Variants in FAM111B observed in about 807,000 individuals in gnomAD.
FAM111B encodes the protein FAM111 trypsin like peptidase B, also known as serine protease FAM111B.
In FAM111B, 1 loss-of-function variant was observed where a neutral mutation model predicts 2.8. That is an observed-to-expected ratio of 0.36 (90% confidence interval 0.13 to 1.70). FAM111B has a LOEUF of 1.70. FAM111B is among the 40% of genes most tolerant of loss of function. FAM111B has a pLI of 0.35. For missense variants in FAM111B, 882 were observed against 878.9 expected (o/e 1.00, Z -0.04); for synonymous variants, 297 against 295.6 (o/e 1.00, Z -0.05).
rs1027924968 is a variant in FAM111B, at chr11:59,126,036, G to A, written c.1939G>A (p.Asp647Asn). The A allele has an allele frequency of 1.1e-5, 18 of 1,613,834 alleles. No homozygotes were observed. The Admixed American group carries it at 1.7e-4, about 15-fold the overall frequency. ...GCTTAGTTATGATACTTGTTTCTCT[G>A]ATGGGTCCTCAGGCTCCCCAGTGTT... The part of the protein sequence containing the change: ...HTLSYDTCFS[D>N]GSSGSPVFNA... Residue 647 changes from aspartate to asparagine, a missense_variant, in exon 4 of 4, where the codon GAT (aspartate) becomes AAT (asparagine). Transcript: ENST00000343597.
Position 59,124,951 on chromosome 11 carries a change from AGAAT to A in FAM111B, c.858_861del (p.Asn286LysfsTer12). The A allele has an allele frequency of 1.2e-6, 2 of 1,606,902 alleles. No homozygotes were observed. Among genetic ancestry groups the A allele is most frequent in the Non-Finnish European group, 1.7e-6 (2 of 1,178,250 alleles). Reference sequence around the variant, plus strand: ...AAAGATATCCATAAAAAAATTAAACAGAATGAAAGTGCCACTGATGAAATTAATC... The same window carrying A: ...AAAGATATCCATAAAAAAATTAAACAGAAAGTGCCACTGATGAAATTAATC... On this transcript the variant is annotated frameshift_variant, in exon 4 of 4. Coordinates refer to ENST00000343597, the MANE Select transcript of FAM111B (RefSeq NM_198947.4). LOFTEE classifies it low-confidence loss of function (END_TRUNC).
At position 59,125,584 on chromosome 11, in the gene FAM111B, T is replaced by C. The variant is rs1475498846; in HGVS notation, c.1487T>C (p.Val496Ala). The C allele has an allele frequency of 6.2e-7, 1 of 1,613,908 alleles. No individual in the cohort carries two copies. The highest frequency in any genetic ancestry group is 1.7e-5 in the Admixed American group (1 of 60,014). The part of the protein sequence containing the change: ...FTCRHVVHLM[V>A]GKNTHPSLWP... The stretch of plus-strand genomic sequence containing the variant: ...TGTCGACATGTTGTACATCTTATGG[T>C]GGGTAAAAACACACATCCAAGTTTG... The change falls in exon 4 of 4, where the codon GTG becomes GCG. Residue 496 changes from valine (V) to alanine (A), a missense_variant. Coordinates refer to ENST00000343597, the MANE Select transcript of FAM111B (RefSeq NM_198947.4).
intron 2 of FAM111B, among the ~76,000 whole-genome samples, chr11:59,109,259 T>G (rs1859716624): frequency 6.6e-6 from 1 of 152,208 alleles, no homozygotes; most frequent in Admixed American, 6.5e-5. Context: ...TACTGTGTGC[T>G]CCTGTGGCTG....
intron 3 of FAM111B, among the ~76,000 whole-genome samples, chr11:59,111,272 A>G (rs1417760051): frequency 1.3e-5 from 2 of 152,200 alleles, no homozygotes; most frequent in African/African-American, 4.8e-5. Flanking sequence ...GGGCACATAT[A>G]GATATTCTTA....
At chr11:59,120,428 AG>A in intron 3 of FAM111B, among the ~76,000 whole-genome samples, 1 of 152,334 alleles carries the variant, frequency 6.6e-6, no homozygotes, top group East Asian at 1.9e-4. Context: ...TTAGATAATG[AG>A]GGCTCTACAT....
chr11:59,116,993 A>G lies in FAM111B; in HGVS notation c.82-7186A>G, dbSNP rs142393275. On this transcript the variant is annotated intron_variant, in intron 3 of 3. Transcript: ENST00000343597. ...TTTACCAGGTCTCTGAGGCAGTGATAGAATCAGGTGAACATCTCAATGGGA... is the reference window on the plus strand; with the variant it reads ...TTTACCAGGTCTCTGAGGCAGTGATGGAATCAGGTGAACATCTCAATGGGA... Among the ~76,000 whole-genome samples, 105 of 152,352 alleles carry G rather than the reference A, an allele frequency of 6.9e-4. 1 individual carries two copies. In the South Asian group the frequency reaches 0.014, roughly 21 times the overall value.
At chr11:59,120,420 A>T (rs1859903317) in intron 3 of FAM111B, among the ~76,000 whole-genome samples, 1 of 152,230 alleles carries the variant, frequency 6.6e-6, no homozygotes, top group Non-Finnish European at 1.5e-5. Flanking sequence ...ATGGGTGATT[A>T]GATAATGAGG....
intron 3 of FAM111B, among the ~76,000 whole-genome samples, chr11:59,120,245 A>G (rs1404370385): frequency 3.3e-5 from 5 of 152,242 alleles, no homozygotes; most frequent in East Asian, 1.9e-4. Context: ...ACAGAAAAAT[A>G]TACCATTGGA....
chr11:59,112,647 G>A (rs1859777934), intron 3 of FAM111B, among the ~76,000 whole-genome samples: 1 of 152,140 alleles, frequency 6.6e-6, no homozygotes, highest in South Asian at 2.1e-4. Context: ...AGTTCCAGTT[G>A]TTTCATATTC....
At chr11:59,123,675 TCAAAGTTTGCTTACTGCA>T (rs933305752) in intron 3 of FAM111B, among the ~76,000 whole-genome samples, 8 of 152,220 alleles carry the variant, frequency 5.3e-5, no homozygotes, top group Admixed American at 5.2e-4. Context: ...ACTTGTGGTT[TCAAAGTTTGCTTACTGCA>T]CAAAGTAGTG....
chr11:59,125,068 T>C lies in FAM111B; in HGVS notation c.971T>C (p.Ile324Thr). Residue 324 changes from isoleucine (I) to threonine (T), a missense_variant, in exon 4 of 4, where the codon ATT (isoleucine) becomes ACT (threonine). Physicochemically the swap from Ile to Thr is moderately conservative, Grantham distance 89 (BLOSUM62 -1). Coordinates refer to ENST00000343597, the MANE Select transcript of FAM111B (RefSeq NM_198947.4). The stretch of plus-strand genomic sequence containing the variant: ...GATGTAGAACACAGCAGAGAGCAAA[T>C]TCTCCCACCTCAGGATCTAAGCCAT... ...TKDVEHSREQ[I>T]LPPQDLSHYI... 3 of 1,613,248 alleles carry C rather than the reference T, an allele frequency of 1.9e-6. No individual in the cohort carries two copies. Among genetic ancestry groups the C allele is most frequent in the Non-Finnish European group, 2.5e-6 (3 of 1,179,732 alleles).
chr11:59,122,058 C>T (rs1297535692), intron 3 of FAM111B, among the ~76,000 whole-genome samples: 1 of 152,166 alleles, frequency 6.6e-6, no homozygotes, highest in Non-Finnish European at 1.5e-5. Flanking sequence ...CAGAGAATTG[C>T]TTAAACCTGG....
rs182047142 is a variant in FAM111B, at chr11:59,108,287, A to G, written c.-131-381A>G. 3.3e-5 allele frequency among the ~76,000 whole-genome samples: 5 copies of G among 152,322 alleles called. No homozygotes were observed. The East Asian group carries it at 9.6e-4, about 29-fold the overall frequency. ...GGTTGGTGGAAAGTTAGACTATGACAGTTTTAGGGTGGTTCTTTCCTGGCC... is the reference window on the plus strand; with the variant it reads ...GGTTGGTGGAAAGTTAGACTATGACGGTTTTAGGGTGGTTCTTTCCTGGCC... On this transcript the variant is annotated intron_variant, in intron 1 of 3. Coordinates refer to ENST00000343597, the MANE Select transcript of FAM111B (RefSeq NM_198947.4).
In FAM111B at chr11:59,126,263, A is replaced by C; in HGVS notation, c.2166A>C (p.Ser722=). ...TYDEEKGKQE[S]SLQDHQIEPM... is the part of the protein sequence containing the mutation. ...ATGAAGAGAAAGGTAAACAAGAGTC[A>C]TCACTTCAAGATCATCAGATTGAAC... The change falls in exon 4 of 4, where the codon TCA becomes TCC. Residue 722 remains serine (S), a synonymous_variant. Coordinates refer to ENST00000343597, the MANE Select transcript of FAM111B (RefSeq NM_198947.4). 6.3e-7 allele frequency: 1 copy of C among 1,578,966 alleles called. No homozygotes were observed.
intron 3 of FAM111B, among the ~76,000 whole-genome samples, chr11:59,114,051 A>G (rs1178528569): frequency 6.6e-6 from 1 of 152,236 alleles, no homozygotes; most frequent in Non-Finnish European, 1.5e-5. Flanking sequence ...GATCAAGAAC[A>G]TACAAAGGTA....
In FAM111B at chr11:59,124,347, A is replaced by C; in HGVS notation, c.250A>C (p.Thr84Pro). The C allele has an allele frequency of 6.2e-7, 1 of 1,613,882 alleles. No individual in the cohort carries two copies. The highest frequency in any genetic ancestry group is 8.5e-7 in the Non-Finnish European group (1 of 1,179,846). Residue 84 changes from threonine to proline, a missense_variant, in exon 4 of 4, where the codon ACG (threonine) becomes CCG (proline). Thr to Pro is a conservative substitution (Grantham distance 38). Coordinates refer to ENST00000343597, the MANE Select transcript of FAM111B (RefSeq NM_198947.4). ...CAATAAAGAATGTTGTTTCACCTTT[A>C]CGTTGAATGGAAACTCCAGAAAATT... ...LNNKECCFTF[T>P]LNGNSRKLDR...
intron 3 of FAM111B, among the ~76,000 whole-genome samples, chr11:59,110,436 C>T (rs4409856): frequency 0.45 from 68,599 of 151,890 alleles, 15,811 homozygotes; most frequent in Admixed American, 0.53. Flanking sequence ...TACAAAGTTT[C>T]CTTATACAAG....
chr11:59,110,826 A>G (rs1859746784), intron 3 of FAM111B, among the ~76,000 whole-genome samples: 1 of 152,232 alleles, frequency 6.6e-6, no homozygotes, highest in South Asian at 2.1e-4. Flanking sequence ...TTGATGCTTT[A>G]TAAGGAGAAT....
intron 2 of FAM111B, 35 bp from the exon 3 acceptor site, chr11:59,109,505 T>A (rs907793938): frequency 4.3e-5 from 26 of 604,074 alleles, no homozygotes; most frequent in Non-Finnish European, 6.8e-5. Context: ...TTGAAAGTGG[T>A]TATTTCATAG....
Sources: gnomAD v4.1 joint callset for allele counts (sites outside exome capture counted in the v4.1 genomes callset) on GRCh38, gnomAD v4.1.1 for gene constraint, MANE v1.5 for transcripts, NCBI Gene and HGNC (gene_info 2026-07-23, HGNC 2026-07-21) for gene names.